Variants in SLC16A2 observed in about 807,000 individuals in gnomAD.
SLC16A2 encodes the protein monocarboxylate transporter 8.
SLC16A2 carries 3 observed loss-of-function variants against 27.2 expected under a neutral mutation model. The ratio of observed to expected loss-of-function variants is 0.11; its 90% CI spans 0.05 to 0.28. The LOEUF is 0.28. SLC16A2 is among the 10% of genes least tolerant of loss of function. The pLI is 1.00. For missense variants in SLC16A2, 295 were observed against 458.5 expected (o/e 0.64, Z 3.26); for synonymous variants, 202 against 187.8 (o/e 1.08, Z -0.62).
chrX:74,496,822 C>T (rs944408497), intron 1 of SLC16A2, among the ~76,000 whole-genome samples: 1 of 112,000 alleles, frequency 8.9e-6, no homozygotes, highest in Admixed American at 9.4e-5. Context: ...GAGGGTTTTC[C>T]CCTGGAGTCG....
intron 1 of SLC16A2, among the ~76,000 whole-genome samples, chrX:74,506,630 G>A (rs1327930098): frequency 9.0e-6 from 1 of 111,447 alleles, no homozygotes; most frequent in Non-Finnish European, 1.9e-5. Context: ...AGTGGGCAGA[G>A]AGAGAAAAGC....
intron 1 of SLC16A2, among the ~76,000 whole-genome samples, chrX:74,452,347 C>T (rs1391680242): frequency 2.7e-5 from 3 of 111,834 alleles, no homozygotes; most frequent in East Asian, 5.6e-4. Context: ...GGCTCAGGTA[C>T]CTGTTGAATC....
chrX:74,487,323 A>G (rs1435445826), intron 1 of SLC16A2, among the ~76,000 whole-genome samples: 2 of 111,290 alleles, frequency 1.8e-5, no homozygotes, highest in African/African-American at 3.3e-5. Flanking sequence ...TATCCCAGTC[A>G]TTATAAAGCT....
chrX:74,428,888 A>G (rs1197940926), intron 1 of SLC16A2, among the ~76,000 whole-genome samples: 1 of 111,319 alleles, frequency 9.0e-6, no homozygotes, highest in Non-Finnish European at 1.9e-5. Flanking sequence ...CCTGACTATC[A>G]TTGTCCCCCA....
At chrX:74,486,460 A>T (rs766565146) in intron 1 of SLC16A2, among the ~76,000 whole-genome samples, 2 of 112,308 alleles carry the variant, frequency 1.8e-5, no homozygotes, top group South Asian at 7.4e-4. Flanking sequence ...TGTCCCTCAA[A>T]ACTGGCCCTT....
intron 1 of SLC16A2, 102 bp downstream of exon 1, chrX:74,422,169 C>A: frequency 1.2e-6 from 1 of 816,221 alleles, no homozygotes; most frequent in East Asian, 3.4e-5. Context: ...CTCCAACGCG[C>A]CTCTCCGACT....
chrX:74,506,807 T>A (rs1930136052), intron 1 of SLC16A2, among the ~76,000 whole-genome samples: 1 of 111,402 alleles, frequency 9.0e-6, no homozygotes, highest in Non-Finnish European at 1.9e-5. Flanking sequence ...ACTCCAAAGA[T>A]CGGGGTTTTT....
intron 1 of SLC16A2, among the ~76,000 whole-genome samples, chrX:74,429,143 T>C (rs1450592844): frequency 1.8e-5 from 2 of 110,147 alleles, no homozygotes; most frequent in Non-Finnish European, 3.8e-5. Flanking sequence ...TGATCACCAC[T>C]GCACCTGTCT....
Position 74,506,942 on chromosome X carries a change from T to TTA in SLC16A2, c.431-14047_431-14046insAT, listed in dbSNP as rs1569296956. Among the ~76,000 whole-genome samples, 366 of 49,739 alleles carry TTA rather than the reference T, an allele frequency of 7.4e-3. 3 individuals are homozygous for TTA. Among genetic ancestry groups the TTA allele is most frequent in the East Asian group, 0.036 (92 of 2,558 alleles). 43.2% of individuals were successfully genotyped at this position (49,739 alleles called of 115,157 possible). A position where few individuals can be genotyped will look rare whatever the true frequency, so the allele number is the denominator to read the frequency against. On this transcript the variant is annotated intron_variant, in intron 1 of 5. Coordinates refer to ENST00000587091, the MANE Select transcript of SLC16A2 (RefSeq NM_006517.5). ...ATTTATTTATTTATTTATTTATTTT[T>TTA]TTTTTTTTGAGGCAGGGTCTCGCTT...
chrX:74,422,837 C>A (rs931737779), intron 1 of SLC16A2, among the ~76,000 whole-genome samples: 1 of 112,725 alleles, frequency 8.9e-6, no homozygotes, highest in Non-Finnish European at 1.9e-5. Flanking sequence ...CGCAGGCAGG[C>A]TGGGCCCTGC....
chrX:74,427,817 A>G (rs140810843), intron 1 of SLC16A2, among the ~76,000 whole-genome samples: 35,363 of 106,530 alleles, frequency 0.33, 5,017 homozygotes, highest in East Asian at 0.94. Context: ...GCGCGCACAC[A>G]CACACACACA....
chrX:74,433,808 A>G (rs976203409), intron 1 of SLC16A2, among the ~76,000 whole-genome samples: 1 of 111,990 alleles, frequency 8.9e-6, no homozygotes, highest in Non-Finnish European at 1.9e-5. Flanking sequence ...ACCTTTGACT[A>G]TGGGGCTTTA....
chrX:74,526,020 C>T, intron 4 of SLC16A2, 127 bp downstream of exon 4: 1 of 764,257 alleles, frequency 1.3e-6, no homozygotes, highest in South Asian at 2.3e-5. Context: ...TTCTCTGAGC[C>T]TCCATTTCAC....
At chrX:74,441,638 T>C (rs1468127998) in intron 1 of SLC16A2, among the ~76,000 whole-genome samples, 1 of 111,246 alleles carries the variant, frequency 9.0e-6, no homozygotes, top group African/African-American at 3.3e-5. Flanking sequence ...TGTCCAACAG[T>C]GGAAACTTTC....
intron 1 of SLC16A2, among the ~76,000 whole-genome samples, chrX:74,448,471 A>G (rs1323997862): frequency 9.1e-6 from 1 of 109,621 alleles, no homozygotes; most frequent in Non-Finnish European, 1.9e-5. Context: ...ACCCTTTCTG[A>G]TCAATTACTT....
chrX:74,447,750 G>A (rs747128065), intron 1 of SLC16A2, among the ~76,000 whole-genome samples: 23 of 109,606 alleles, frequency 2.1e-4, no homozygotes, highest in East Asian at 8.6e-4. Flanking sequence ...AAGCTGAGGC[G>A]GGTGGATTTC....
chrX:74,439,277 C>T (rs1379224207), intron 1 of SLC16A2, among the ~76,000 whole-genome samples: 1 of 94,253 alleles, frequency 1.1e-5, no homozygotes, highest in Admixed American at 1.3e-4. Context: ...CCCTTCCTTC[C>T]TCCCTCCCTT....
At chrX:74,439,086 C>T (rs1928675967) in intron 1 of SLC16A2, among the ~76,000 whole-genome samples, 1 of 110,840 alleles carries the variant, frequency 9.0e-6, no homozygotes. Flanking sequence ...AGTCACAGAG[C>T]CTAAATGAAG....
chrX:74,449,961 C>T (rs1928908281), intron 1 of SLC16A2, among the ~76,000 whole-genome samples: 1 of 112,298 alleles, frequency 8.9e-6, no homozygotes, highest in Non-Finnish European at 1.9e-5. Context: ...TGTCTTGCAA[C>T]AGGGCACTAT....
Sources: allele counts gnomAD v4.1 joint callset (sites outside exome capture counted in the v4.1 genomes callset), GRCh38; gene constraint gnomAD v4.1.1; transcripts MANE v1.5; gene names NCBI Gene and HGNC (gene_info 2026-07-23, HGNC 2026-07-21).